The following SCIN variants were observed in gnomAD, a reference collection of about 807,000 sequenced individuals.
SCIN encodes scinderin.
A neutral mutation model predicts 91.8 loss-of-function variants in SCIN; 91 were observed. The ratio of observed to expected loss-of-function variants is 0.99; its 90% CI spans 0.84 to 1.18. The LOEUF is 1.18. Ranked by LOEUF, SCIN falls within the 50% of genes most tolerant of loss-of-function variation. SCIN has a pLI of 0.00. For synonymous variants in SCIN, 367 were observed against 312.6 expected (o/e 1.17, Z -1.84); for missense variants, 1,087 against 863.9 (o/e 1.26, Z -3.24).
At chr7:12,595,373 C>T (rs1324145135) in intron 3 of SCIN, among the ~76,000 whole-genome samples, 2 of 149,764 alleles carry the variant, frequency 1.3e-5, no homozygotes, top group Non-Finnish European at 2.9e-5. Flanking sequence ...CCATGCTGCC[C>T]GTAGGGCTGT....
Position 12,622,834 on chromosome 7 carries a change from G to C in SCIN, c.700G>C (p.Gly234Arg). Residue 234 changes from glycine (G) to arginine (R), a missense_variant, in exon 5 of 16, where the codon GGT (glycine) becomes CGT (arginine). Gly to Arg is a moderately radical substitution (Grantham distance 125). Transcript: ENST00000297029. ...LGEKPELPDGGDDDDIIADIS... is the reference protein window; with the variant it reads ...LGEKPELPDGRDDDDIIADIS... Reference sequence around the variant, plus strand: ...GGAAAAGCCAGAGCTTCCAGATGGAGGTGATGATGATGACATTATAGCAGA... The same window carrying C: ...GGAAAAGCCAGAGCTTCCAGATGGACGTGATGATGATGACATTATAGCAGA... The C allele has an allele frequency of 6.2e-7, 1 of 1,613,180 alleles. No individual in the cohort carries two copies.
intron 4 of SCIN, among the ~76,000 whole-genome samples, chr7:12,612,588 C>T (rs1260328871): frequency 6.6e-6 from 1 of 152,156 alleles, no homozygotes; most frequent in Admixed American, 6.5e-5. Context: ...GCGACGCTCT[C>T]TAGAACACTA....
intron 3 of SCIN, among the ~76,000 whole-genome samples, chr7:12,582,178 G>A (rs1452101729): frequency 1.3e-5 from 2 of 152,184 alleles, no homozygotes; most frequent in Admixed American, 1.3e-4. Flanking sequence ...AAATGGTGAA[G>A]GCAGGATTAG....
chr7:12,642,073 A>AT (rs1407728832), intron 11 of SCIN, among the ~76,000 whole-genome samples: 1 of 151,388 alleles, frequency 6.6e-6, no homozygotes, highest in Non-Finnish European at 1.5e-5. Context: ...TACTATATGT[A>AT]TTATATATAT....
chr7:12,619,543 T>C (rs73296879), intron 4 of SCIN, among the ~76,000 whole-genome samples: 2,881 of 152,186 alleles, frequency 0.019, 77 homozygotes, highest in African/African-American at 0.065. Context: ...CCTTGGATCA[T>C]AGTAGGGAAA....
chr7:12,617,144 G>C (rs917612446), intron 4 of SCIN, among the ~76,000 whole-genome samples: 2 of 152,058 alleles, frequency 1.3e-5, no homozygotes, highest in African/African-American at 2.4e-5. Flanking sequence ...TTGCAGGGTT[G>C]TATAAGACAG....
intron 7 of SCIN, 189 bp downstream of exon 7, chr7:12,626,039 G>A (rs551985438): frequency 1.9e-6 from 1 of 540,118 alleles, no homozygotes; most frequent in East Asian, 3.1e-5. Context: ...TTTAGAAACT[G>A]CACATCAGAC....
intron 9 of SCIN, among the ~76,000 whole-genome samples, chr7:12,632,501 A>G (rs1426689632): frequency 1.3e-5 from 2 of 152,172 alleles, no homozygotes; most frequent in Non-Finnish European, 2.9e-5. Context: ...GGCTAGCAAC[A>G]GGAAGACCAC....
chr7:12,630,250 C>T (rs921730406), intron 9 of SCIN, among the ~76,000 whole-genome samples: 5 of 151,946 alleles, frequency 3.3e-5, no homozygotes, highest in African/African-American at 1.2e-4. Context: ...TCTGGGAACT[C>T]GGAGGTATCA....
chr7:12,644,013 A>C, intron 11 of SCIN, 125 bp from the exon 12 acceptor site: 1 of 840,634 alleles, frequency 1.2e-6, no homozygotes, highest in Non-Finnish European at 1.8e-6. Context: ...AGCGGCTCTG[A>C]ATTAATTTCC....
At chr7:12,644,010 C>G in intron 11 of SCIN, 128 bp from the exon 12 acceptor site, 1 of 808,426 alleles carries the variant, frequency 1.2e-6, no homozygotes, top group Admixed American at 2.5e-5. Context: ...CAGAGCGGCT[C>G]TGAATTAATT....
At chr7:12,635,995 G>A (rs998799328) in intron 9 of SCIN, 50 bp from the exon 10 acceptor site, 12 of 1,383,732 alleles carry the variant, frequency 8.7e-6, no homozygotes, top group South Asian at 2.4e-5. Context: ...TACATGTGAC[G>A]ATCTTAAAAC....
intron 3 of SCIN, among the ~76,000 whole-genome samples, chr7:12,581,985 A>G (rs1309380950): frequency 6.6e-6 from 1 of 152,242 alleles, no homozygotes; most frequent in African/African-American, 2.4e-5. Context: ...CACAGAACTT[A>G]TAAGGCTCTC....
At chr7:12,628,030 C>CGT (rs1416857908) in intron 8 of SCIN, among the ~76,000 whole-genome samples, 4 of 81,078 alleles carry the variant, frequency 4.9e-5, no homozygotes, top group Admixed American at 1.8e-4. Flanking sequence ...CAAGTGTGCG[C>CGT]GCGTGTGTGT....
chr7:12,635,365 A>G (rs1054724976), intron 9 of SCIN, among the ~76,000 whole-genome samples: 1 of 151,194 alleles, frequency 6.6e-6, no homozygotes, highest in African/African-American at 2.4e-5. Flanking sequence ...TAATCCTAGC[A>G]CTTTGGGAGG....
At chr7:12,623,850 A>G (rs146897792) in intron 5 of SCIN, among the ~76,000 whole-genome samples, 3 of 152,308 alleles carry the variant, frequency 2.0e-5, no homozygotes, top group East Asian at 3.9e-4. Flanking sequence ...AAAAGGAAAT[A>G]TGGTTACCAT....
chr7:12,632,350 T>G (rs1437339277), intron 9 of SCIN, among the ~76,000 whole-genome samples: 1 of 152,024 alleles, frequency 6.6e-6, no homozygotes, highest in African/African-American at 2.4e-5. Context: ...AGGCTGGTCT[T>G]GCACTCCTGA....
intron 10 of SCIN, among the ~76,000 whole-genome samples, chr7:12,639,043 C>T (rs1783806891): frequency 6.6e-6 from 1 of 152,134 alleles, no homozygotes; most frequent in Non-Finnish European, 1.5e-5. Flanking sequence ...TTAGTTTAAT[C>T]ACTAGATGGC....
chr7:12,585,452 A>G (rs1468732261), intron 3 of SCIN, among the ~76,000 whole-genome samples: 1 of 152,136 alleles, frequency 6.6e-6, no homozygotes, highest in Admixed American at 6.5e-5. Context: ...CCCCACCCAG[A>G]GCTTCAACTA....
Sources: gnomAD v4.1 joint callset for allele counts (sites outside exome capture counted in the v4.1 genomes callset) on GRCh38, gnomAD v4.1.1 for gene constraint, MANE v1.5 for transcripts, NCBI Gene and HGNC (gene_info 2026-07-23, HGNC 2026-07-21) for gene names.